Variants in RBFOX3 observed in about 807,000 individuals in gnomAD.
RBFOX3 encodes the protein RNA binding protein fox-1 homolog 3.
In RBFOX3, 17 loss-of-function variants were observed where a neutral mutation model predicts 48.7. The observed-to-expected ratio is 0.35, with a 90% CI of 0.24 to 0.52. RBFOX3 has a LOEUF of 0.52. Among genes scored for constraint, RBFOX3 ranks in the 20% least tolerant of loss-of-function variants. RBFOX3 has a pLI of 0.94. For missense variants in RBFOX3, 382 were observed against 497.5 expected (o/e 0.77, Z 2.21); for synonymous variants, 212 against 209.5 (o/e 1.01, Z -0.10).
chr17:79,370,205 C>T (rs538409827), intron 2 of RBFOX3, among the ~76,000 whole-genome samples: 2 of 152,348 alleles, frequency 1.3e-5, no homozygotes, highest in South Asian at 2.1e-4. Context: ...AGCACTTGGA[C>T]GTCAGAAAAT....
intron 4 of RBFOX3, among the ~76,000 whole-genome samples, chr17:79,147,322 G>A (rs2043239088): frequency 6.6e-6 from 1 of 152,246 alleles, no homozygotes; most frequent in African/African-American, 2.4e-5. Flanking sequence ...GCCCTACGCA[G>A]CCCATTTTAC....
the RBFOX3 span, among the ~76,000 whole-genome samples, chr17:79,648,112 A>G: frequency 6.6e-6 from 1 of 152,120 alleles, no homozygotes; most frequent in Non-Finnish European, 1.5e-5. Flanking sequence ...AGTAGTGGGC[A>G]CTGCTAGTCC....
Position 79,384,908 on chromosome 17 carries a change from C to T in RBFOX3, c.-174-77084G>A, listed in dbSNP as rs2060373702. 1.3e-5 allele frequency among the ~76,000 whole-genome samples: 2 copies of T among 152,266 alleles called. 1 individual carries two copies. The highest frequency in any genetic ancestry group is 2.9e-5 in the Non-Finnish European group (2 of 68,048). ...GTGGGGAGGGAGACCTTCCAAACTTCGGCAGCTACACGCCGGCTGCTGCCC... is the reference window on the plus strand; with the variant it reads ...GTGGGGAGGGAGACCTTCCAAACTTTGGCAGCTACACGCCGGCTGCTGCCC... On this transcript the variant is annotated intron_variant, in intron 2 of 14. Coordinates refer to ENST00000693108, the MANE Select transcript of RBFOX3 (RefSeq NM_001350451.2).
At chr17:79,465,160 C>T (rs1195975931) in intron 2 of RBFOX3, among the ~76,000 whole-genome samples, 2 of 152,306 alleles carry the variant, frequency 1.3e-5, no homozygotes, top group African/African-American at 2.4e-5. Flanking sequence ...GCCGATGAAA[C>T]GCACCACGAC....
chr17:79,095,611 TTAG>T, intron 12 of RBFOX3, 37 bp from the exon 13 acceptor site: 1 of 1,530,722 alleles, frequency 6.5e-7, no homozygotes, highest in Non-Finnish European at 8.9e-7. Context: ...GCAGAGGGAC[TTAG>T]TGGGGCTCCC....
rs1380317564 is a variant in RBFOX3 at position 79,249,629 on chromosome 17, A to G, written c.-73-13824T>C. On this transcript the variant is annotated intron_variant, in intron 3 of 14. Coordinates refer to ENST00000693108, the MANE Select transcript of RBFOX3 (RefSeq NM_001350451.2). The surrounding 1 kb of genome is among the most constrained non-coding windows in gnomAD (Gnocchi z 4.1). ...TACAGACAATCAGATCCAGCCCCAT[A>G]GCCCAGAGCTCACTGAAATGATCCA... Among the ~76,000 whole-genome samples the G allele has an allele frequency of 6.6e-6, 1 of 152,044 alleles. No homozygotes were observed. The highest frequency in any genetic ancestry group is 1.5e-5 in the Non-Finnish European group (1 of 68,004).
chr17:79,627,825 C>T, the RBFOX3 span, among the ~76,000 whole-genome samples: 38 of 152,088 alleles, frequency 2.5e-4, no homozygotes, highest in Admixed American at 2.1e-3. Context: ...CTCCTCCAGG[C>T]TTCCAAGTGC....
intron 14 of RBFOX3, chr17:79,092,300 C>T: frequency 1.0e-6 from 1 of 985,504 alleles, no homozygotes; most frequent in Non-Finnish European, 1.2e-6. Context: ...GGTGTGCACA[C>T]CGTACCTGCA....
intron 1 of RBFOX3, among the ~76,000 whole-genome samples, chr17:79,572,092 G>A (rs978856376): frequency 1.3e-5 from 2 of 152,174 alleles, no homozygotes; most frequent in East Asian, 1.9e-4. Flanking sequence ...TCTTATACAC[G>A]GGGAAACTAA....
rs973642097 is a variant in RBFOX3 at position 79,580,626 on chromosome 17, C to T, written c.-320+30200G>A. ...TAACAAACAGCTGCCAAGTCGCAGACACTCTTTAGAGCAAAGTTTTTTTTG... is the reference window on the plus strand; with the variant it reads ...TAACAAACAGCTGCCAAGTCGCAGATACTCTTTAGAGCAAAGTTTTTTTTG... On this transcript the variant is annotated intron_variant, in intron 1 of 14. Coordinates refer to ENST00000693108, the MANE Select transcript of RBFOX3 (RefSeq NM_001350451.2). 4.4e-4 allele frequency among the ~76,000 whole-genome samples: 67 copies of T among 152,270 alleles called. 1 individual carries two copies. Among genetic ancestry groups the T allele is most frequent in the Admixed American group, 2.4e-3 (36 of 15,298 alleles).
At chr17:79,502,125 G>T (rs2082458530) in intron 1 of RBFOX3, among the ~76,000 whole-genome samples, 1 of 152,176 alleles carries the variant, frequency 6.6e-6, no homozygotes, top group Admixed American at 6.5e-5. Flanking sequence ...CTGAAAAATG[G>T]GGCTAATATA....
At chr17:79,231,828 G>C (rs2061069042) in intron 4 of RBFOX3, among the ~76,000 whole-genome samples, 1 of 152,188 alleles carries the variant, frequency 6.6e-6, no homozygotes, top group African/African-American at 2.4e-5. Context: ...TTATGAGTCA[G>C]AAGGCCCAGT....
At chr17:79,256,233 C>A (rs1427184513) in intron 3 of RBFOX3, among the ~76,000 whole-genome samples, 1 of 152,060 alleles carries the variant, frequency 6.6e-6, no homozygotes, top group Non-Finnish European at 1.5e-5. Flanking sequence ...CAGGGAGGCA[C>A]GCTTGTCTCT....
chr17:79,407,497 G>A (rs1305429417), intron 2 of RBFOX3, among the ~76,000 whole-genome samples: 3 of 152,264 alleles, frequency 2.0e-5, no homozygotes, highest in East Asian at 1.9e-4. Flanking sequence ...TTGAAGTGCT[G>A]TGAGCTTGTC....
chr17:79,519,251 C>G (rs1015635502), intron 1 of RBFOX3, among the ~76,000 whole-genome samples: 1 of 152,242 alleles, frequency 6.6e-6, no homozygotes, highest in Non-Finnish European at 1.5e-5. Context: ...GCACACCCCA[C>G]GCCCCCACCC....
At chr17:79,321,896 G>T (rs1000037074) in intron 2 of RBFOX3, among the ~76,000 whole-genome samples, 19 of 152,060 alleles carry the variant, frequency 1.2e-4, no homozygotes, top group Non-Finnish European at 2.5e-4. Context: ...AGTACAGATG[G>T]GGTTTCACCA....
At chr17:79,622,624 CCT>C in the RBFOX3 span, among the ~76,000 whole-genome samples, 1 of 152,172 alleles carries the variant, frequency 6.6e-6, no homozygotes, top group Admixed American at 6.5e-5. Context: ...CCGTCCCCTC[CCT>C]GTGTCCTCCA....
intron 4 of RBFOX3, among the ~76,000 whole-genome samples, chr17:79,207,877 C>T (rs1352902742): frequency 2.6e-5 from 4 of 152,206 alleles, no homozygotes; most frequent in Non-Finnish European, 1.5e-5. Context: ...GCCAGTCTTG[C>T]CCCCAAAAGG....
chr17:79,282,821 C>A (rs1248214349), intron 3 of RBFOX3, among the ~76,000 whole-genome samples: 1 of 152,156 alleles, frequency 6.6e-6, no homozygotes, highest in Non-Finnish European at 1.5e-5. Flanking sequence ...CAGTTCCTGG[C>A]CTGATGGAGG....
Sources: allele counts gnomAD v4.1 joint callset (sites outside exome capture counted in the v4.1 genomes callset), GRCh38; gene constraint gnomAD v4.1.1; non-coding constraint Gnocchi (gnomAD v3.1); transcripts MANE v1.5; gene names NCBI Gene and HGNC (gene_info 2026-07-23, HGNC 2026-07-21).